METAP2: variants seen among roughly 807,000 people sequenced by gnomAD.
METAP2 encodes the protein methionyl aminopeptidase 2.
Under a neutral mutation model 59.4 loss-of-function variants are expected in METAP2, and 25 were observed. The ratio of observed to expected loss-of-function variants is 0.42; its 90% CI spans 0.31 to 0.59. The LOEUF is 0.59. Among genes scored for constraint, METAP2 ranks in the 20% least tolerant of loss-of-function variants. METAP2 has a pLI of 0.16. For synonymous variants in METAP2, 214 were observed against 194.1 expected (o/e 1.10, Z -0.85); for missense variants, 366 against 581.2 (o/e 0.63, Z 3.81).
chr12:95,484,746 G>GT (rs2076183476), intron 3 of METAP2: 4 of 401,236 alleles, frequency 1.0e-5, no homozygotes, highest in Non-Finnish European at 9.6e-6. Flanking sequence ...GGATAATTGT[G>GT]TTTTTTTCTG....
In METAP2 at chr12:95,513,465, A is replaced by G. The variant is rs1023628349; in HGVS notation, c.1185-187A>G. On this transcript the variant is annotated intron_variant, in intron 10 of 10. Coordinates refer to ENST00000323666, the MANE Select transcript of METAP2 (RefSeq NM_006838.4). ...TAAGATGGCCTCCAGCTGGTGTCCT[A>G]TTCAGCTGCCATCTATAATTAGGTA... 6.6e-5 allele frequency among the ~76,000 whole-genome samples: 10 copies of G among 152,202 alleles called. No individual in the cohort carries two copies. The South Asian group carries it at 1.4e-3, about 22-fold the overall frequency.
At chr12:95,501,908 C>G (rs368496882) in intron 7 of METAP2, among the ~76,000 whole-genome samples, 27 of 150,732 alleles carry the variant, frequency 1.8e-4, no homozygotes, top group Admixed American at 7.9e-4. Context: ...TTCTTGAGCA[C>G]TTCTTGCAGG....
intron 4 of METAP2, among the ~76,000 whole-genome samples, chr12:95,491,394 C>G (rs1343654652): frequency 6.6e-6 from 1 of 152,176 alleles, no homozygotes; most frequent in Non-Finnish European, 1.5e-5. Flanking sequence ...TCTCTGTCAA[C>G]TGGGAATCAA....
intron 8 of METAP2, among the ~76,000 whole-genome samples, chr12:95,504,454 C>G (rs2076341947): frequency 6.6e-6 from 1 of 152,104 alleles, no homozygotes; most frequent in African/African-American, 2.4e-5. Context: ...AGGTCTCTTG[C>G]CATTGATGAC....
chr12:95,489,392 A>C (rs57456889), intron 4 of METAP2, among the ~76,000 whole-genome samples: 68 of 152,348 alleles, frequency 4.5e-4, no homozygotes, highest in African/African-American at 1.5e-3. Flanking sequence ...TTCTCAAAGT[A>C]ATTTTCTTAA....
chr12:95,504,775 A>G (rs530461311), intron 8 of METAP2, among the ~76,000 whole-genome samples: 139 of 152,366 alleles, frequency 9.1e-4, no homozygotes, highest in African/African-American at 3.3e-3. Context: ...AAGTGCAGGG[A>G]TAACAGGTGT....
chr12:95,496,277 A>G (rs2076274868), intron 7 of METAP2, among the ~76,000 whole-genome samples, 179 bp downstream of exon 7: 1 of 151,092 alleles, frequency 6.6e-6, no homozygotes, highest in Non-Finnish European at 1.5e-5. Context: ...ATTGTGTACC[A>G]AAGGTTGTTT....
At chr12:95,479,388 T>C (rs572444422) in intron 2 of METAP2, among the ~76,000 whole-genome samples, 1 of 152,246 alleles carries the variant, frequency 6.6e-6, no homozygotes, top group East Asian at 1.9e-4. Context: ...TGCTGTTGAC[T>C]GAAATAGTGA....
At chr12:95,506,924 G>A (rs907002762) in intron 8 of METAP2, among the ~76,000 whole-genome samples, 1 of 151,768 alleles carries the variant, frequency 6.6e-6, no homozygotes, top group South Asian at 2.1e-4. Context: ...TTGGGATTAC[G>A]GGTGTGTGTC....
chr12:95,483,105 C>A lies in METAP2; in HGVS notation c.260-110C>A, dbSNP rs561151884. ...ATAAATGTAAACAAGATAAAATAAA[C>A]TAACGTTTGTTCATTTATTGAATAG... On this transcript the variant is annotated intron_variant, in intron 2 of 10. Coordinates refer to ENST00000323666, the MANE Select transcript of METAP2 (RefSeq NM_006838.4). The A allele has an allele frequency of 4.0e-5, 33 of 827,844 alleles. 1 individual carries two copies. The South Asian group carries it at 4.9e-4, about 12-fold the overall frequency. 51.3% of individuals were successfully genotyped at this position (827,844 alleles called of 1,614,324 possible). A position where few individuals can be genotyped will look rare whatever the true frequency, so the allele number is the denominator to read the frequency against.
rs2076425488 is a variant in METAP2 at position 95,514,041 on chromosome 12, G to A, written c.*137G>A. ...CTTTTATCCATGTTTAAAAAAGAAG[G>A]AATTTGGACAAAGGCAAACCGTCTA... On this transcript the variant is annotated 3_prime_UTR_variant, in exon 11 of 11. Transcript: ENST00000323666. 2 of 1,085,172 alleles carry A rather than the reference G, an allele frequency of 1.8e-6. No individual in the cohort carries two copies. The highest frequency in any genetic ancestry group is 1.6e-5 in the African/African-American group (1 of 61,970). The allele number at this position is 1,085,172 out of a possible 1,614,324, so 67.2% of individuals were successfully genotyped here. A position where few individuals can be genotyped will look rare whatever the true frequency, so the allele number is the denominator to read the frequency against.
chr12:95,476,365 A>G (rs1260594754), intron 2 of METAP2, among the ~76,000 whole-genome samples, 187 bp downstream of exon 2: 1 of 152,018 alleles, frequency 6.6e-6, no homozygotes, highest in Non-Finnish European at 1.5e-5. Context: ...AAAAAAATTT[A>G]GCCGGGTGTG....
chr12:95,483,767 T>C (rs898438739), intron 3 of METAP2, among the ~76,000 whole-genome samples: 2 of 152,198 alleles, frequency 1.3e-5, no homozygotes, highest in African/African-American at 4.8e-5. Context: ...ATTTAAAGAA[T>C]AATTCTGTCA....
intron 8 of METAP2, 50 bp from the exon 9 acceptor site, chr12:95,511,845 T>C (rs199862503): frequency 1.5e-6 from 2 of 1,325,736 alleles, no homozygotes; most frequent in Non-Finnish European, 2.1e-6. Context: ...AGATCTGTTT[T>C]TGCTTCTTGA....
chr12:95,512,943 G>A, intron 10 of METAP2, 27 bp downstream of exon 10: 1 of 1,325,518 alleles, frequency 7.5e-7, no homozygotes, highest in Non-Finnish European at 1.1e-6. Flanking sequence ...TTGATTTTAT[G>A]TGGCTAATTA....
chr12:95,490,160 G>A (rs898251994), intron 4 of METAP2, among the ~76,000 whole-genome samples: 6 of 149,232 alleles, frequency 4.0e-5, no homozygotes, highest in Middle Eastern at 3.4e-3. Context: ...GGAATACAGC[G>A]GTGTGATCAT....
intron 3 of METAP2, among the ~76,000 whole-genome samples, chr12:95,485,567 A>T (rs1019613541): frequency 6.6e-6 from 1 of 152,062 alleles, no homozygotes; most frequent in Non-Finnish European, 1.5e-5. Flanking sequence ...GTGAAAGCCA[A>T]CCTCTCTATG....
chr12:95,482,863 C>G (rs1216152144), intron 2 of METAP2, among the ~76,000 whole-genome samples: 1 of 152,164 alleles, frequency 6.6e-6, no homozygotes. Context: ...TATGGTTCAA[C>G]CCACGTAAGT....
Position 95,512,012 on chromosome 12 carries a change from T to A in METAP2, c.1068+14T>A. 1 of 1,576,032 alleles carries A rather than the reference T, an allele frequency of 6.3e-7. No homozygotes were observed. The highest frequency in any genetic ancestry group is 8.7e-7 in the Non-Finnish European group (1 of 1,146,696). ...ACAAGAATGGAGGTATGTGTGTCAC[T>A]AACATTTTACTTCCATGGAAGACAT... On this transcript the variant is annotated intron_variant, in intron 9 of 10. Coordinates refer to ENST00000323666, the MANE Select transcript of METAP2 (RefSeq NM_006838.4).
Sources: allele counts gnomAD v4.1 joint callset (sites outside exome capture counted in the v4.1 genomes callset), GRCh38; gene constraint gnomAD v4.1.1; transcripts MANE v1.5; gene names NCBI Gene and HGNC (gene_info 2026-07-23, HGNC 2026-07-21).